Variants in AQR observed in about 807,000 individuals in gnomAD.
AQR encodes the protein RNA helicase aquarius.
A neutral mutation model predicts 180.5 loss-of-function variants in AQR; 61 were observed. The observed-to-expected ratio is 0.34, with a 90% confidence interval of 0.28 to 0.42. The LOEUF (loss-of-function observed/expected upper bound fraction) is 0.42, where lower values mean the gene tolerates loss of function less well. Among genes scored for constraint, AQR ranks in the 10% least tolerant of loss-of-function variants. AQR has a pLI of 1.00. For missense variants in AQR, 1,281 were observed against 1,798.3 expected, an observed-to-expected ratio of 0.71 and a Z score of 5.20; for synonymous variants, 551 against 588.8, an observed-to-expected ratio of 0.94 and a Z score of 0.93.
At chr15:34,912,881 T>G (rs1317818463) in intron 16 of AQR, among the ~76,000 whole-genome samples, 1 of 152,192 alleles carries the variant, frequency 6.6e-6, no homozygotes, top group Non-Finnish European at 1.5e-5. Flanking sequence ...CAAAAAATTG[T>G]AGCACTTCAT....
chr15:34,867,145 T>C (rs1426256489), intron 32 of AQR, among the ~76,000 whole-genome samples: 1 of 152,068 alleles, frequency 6.6e-6, no homozygotes, highest in South Asian at 2.1e-4. Flanking sequence ...GGCTGAAAGA[T>C]TGTGTATGAG....
At chr15:34,891,163 G>A (rs1476564157) in intron 23 of AQR, among the ~76,000 whole-genome samples, 1 of 152,024 alleles carries the variant, frequency 6.6e-6, no homozygotes, top group African/African-American at 2.4e-5. Flanking sequence ...TGAAACTGAA[G>A]AGATTTAACA....
chr15:34,943,371 A>T (rs1468617726), intron 6 of AQR: 1 of 1,434,710 alleles, frequency 7.0e-7, no homozygotes, highest in African/African-American at 1.4e-5. Context: ...AGATAAGAAG[A>T]GAAAGGGCCA....
Position 34,969,099 on chromosome 15 carries a change from T to A in AQR, c.75+440A>T, listed in dbSNP as rs75513368. ...TATTTGGAGGTGTCTTGTCAGTTTC[T>A]CATCGCTGCTCAAAAACTCAGGACA... On this transcript the variant is annotated intron_variant, in intron 1 of 34. Coordinates refer to ENST00000156471, the MANE Select transcript of AQR (RefSeq NM_014691.3). 8.4e-3 allele frequency among the ~76,000 whole-genome samples: 1,286 copies of A among 152,232 alleles called. 19 individuals carry two copies. Among genetic ancestry groups the A allele is most frequent in the African/African-American group, 0.03 (1,237 of 41,520 alleles).
At chr15:34,923,615 G>A (rs1893713685) in intron 13 of AQR, among the ~76,000 whole-genome samples, 1 of 152,120 alleles carries the variant, frequency 6.6e-6, no homozygotes, top group Non-Finnish European at 1.5e-5. Flanking sequence ...TGTATATGAT[G>A]CAAGGTATGG....
At chr15:34,905,798 A>T (rs928041564) in intron 18 of AQR, among the ~76,000 whole-genome samples, 1 of 152,204 alleles carries the variant, frequency 6.6e-6, no homozygotes, top group African/African-American at 2.4e-5. Context: ...AAAAGCTTTG[A>T]ATAAAGATGA....
At chr15:34,875,587 A>G (rs2140463655) in intron 28 of AQR, among the ~76,000 whole-genome samples, 1 of 151,386 alleles carries the variant, frequency 6.6e-6, no homozygotes, top group South Asian at 2.1e-4. Context: ...GAAAATGAAA[A>G]AAATAATTCT....
intron 23 of AQR, among the ~76,000 whole-genome samples, chr15:34,892,913 A>T (rs1172917651): frequency 1.3e-5 from 2 of 152,226 alleles, no homozygotes; most frequent in African/African-American, 2.4e-5. Flanking sequence ...CTTTCACACC[A>T]TCATAAAGTC....
intron 13 of AQR, among the ~76,000 whole-genome samples, 164 bp from the exon 14 acceptor site, chr15:34,920,598 A>C (rs1002704156): frequency 6.6e-6 from 1 of 152,224 alleles, no homozygotes; most frequent in Non-Finnish European, 1.5e-5. Context: ...CAGGGTTCTC[A>C]AAATATTTTC....
In AQR at chr15:34,876,023, C is replaced by T. The variant is rs1260286441; in HGVS notation, c.3166-17G>A. 1.3e-6 allele frequency: 2 copies of T among 1,598,086 alleles called. No individual in the cohort carries two copies. Among genetic ancestry groups the T allele is most frequent in the Non-Finnish European group, 1.7e-6 (2 of 1,167,654 alleles). On this transcript the variant is annotated splice_polypyrimidine_tract_variant and intron_variant, in intron 27 of 34. Transcript: ENST00000156471. ...GTTGTCATACTAAGAAAGAGGAAAT[C>T]TTGTCATAAAGACAGCTTAAAAGTC...
At chr15:34,927,760 G>C (rs540275978) in intron 12 of AQR, among the ~76,000 whole-genome samples, 1 of 152,188 alleles carries the variant, frequency 6.6e-6, no homozygotes, top group Non-Finnish European at 1.5e-5. Context: ...AAAAGATCCG[G>C]AAGTTTTCAT....
chr15:34,888,436 C>T (rs760859457), intron 24 of AQR, among the ~76,000 whole-genome samples: 9 of 152,208 alleles, frequency 5.9e-5, no homozygotes, highest in Non-Finnish European at 1.2e-4. Context: ...CGGTGGCACA[C>T]GCCTGTAATC....
chr15:34,900,355 T>C (rs1296583314), intron 20 of AQR, among the ~76,000 whole-genome samples: 6 of 152,242 alleles, frequency 3.9e-5, no homozygotes, highest in Admixed American at 2.6e-4. Flanking sequence ...TATAAATATA[T>C]TTATATAGTT....
intron 8 of AQR, among the ~76,000 whole-genome samples, chr15:34,939,396 A>C (rs1330883128): frequency 6.6e-6 from 1 of 152,138 alleles, no homozygotes. Flanking sequence ...AAACATTTTC[A>C]TTTGTGATTT....
chr15:34,948,158 G>A (rs764743300), intron 5 of AQR, 106 bp downstream of exon 5: 3 of 1,258,810 alleles, frequency 2.4e-6, no homozygotes, highest in Non-Finnish European at 3.2e-6. Context: ...CTTTATTACT[G>A]GGTAAAGTTC....
chr15:34,890,776 C>G (rs1383025277), intron 23 of AQR, among the ~76,000 whole-genome samples: 1 of 152,158 alleles, frequency 6.6e-6, no homozygotes, highest in African/African-American at 2.4e-5. Flanking sequence ...TTGCATCTTT[C>G]AAATCTTAGT....
intron 13 of AQR, among the ~76,000 whole-genome samples, chr15:34,921,449 A>G (rs1228765187): frequency 6.6e-6 from 1 of 152,008 alleles, no homozygotes; most frequent in Admixed American, 6.6e-5. Context: ...AAAAAAAAAA[A>G]AAAATGACAA....
intron 9 of AQR, among the ~76,000 whole-genome samples, chr15:34,936,739 T>C (rs2140494748): frequency 6.6e-6 from 1 of 152,084 alleles, no homozygotes; most frequent in Non-Finnish European, 1.5e-5. Flanking sequence ...AAAGTTGTTT[T>C]CTGACAGTAT....
At chr15:34,928,039 C>T (rs376188066) in intron 12 of AQR, among the ~76,000 whole-genome samples, 1 of 152,154 alleles carries the variant, frequency 6.6e-6, no homozygotes, top group Non-Finnish European at 1.5e-5. Flanking sequence ...GACCACATGC[C>T]ACACCAGCTG....
Sources: gnomAD v4.1 joint callset for allele counts (sites outside exome capture counted in the v4.1 genomes callset) on GRCh38, gnomAD v4.1.1 for gene constraint, MANE v1.5 for transcripts, NCBI Gene and HGNC (gene_info 2026-07-23, HGNC 2026-07-21) for gene names.